Variants in PLCE1 observed in about 807,000 individuals in gnomAD.
PLCE1 encodes the protein 1-phosphatidylinositol 4,5-bisphosphate phosphodiesterase epsilon-1.
Under a neutral mutation model 242.8 loss-of-function variants are expected in PLCE1, and 119 were observed. The observed-to-expected ratio is 0.49, with a 90% CI of 0.42 to 0.57. The LOEUF is 0.57. PLCE1 is among the 20% of genes least tolerant of loss of function. PLCE1 has a pLI of 0.00. For missense variants in PLCE1, 2,441 were observed against 2,788.8 expected (o/e 0.88, Z 2.81); for synonymous variants, 945 against 1,017.4 (o/e 0.93, Z 1.35).
intron 4 of PLCE1, among the ~76,000 whole-genome samples, chr10:94,182,746 CCTT>C (rs1664917054): frequency 1.3e-5 from 2 of 152,072 alleles, no homozygotes; most frequent in South Asian, 2.1e-4. Flanking sequence ...TCTTAGTTCT[CCTT>C]CTTAAAGCTC....
rs374542248 is a variant in PLCE1, at chr10:94,227,422, C to T, written c.1926C>T (p.Asn642=). The change falls in exon 5 of 33, where the codon AAC becomes AAT. Residue 642 remains asparagine (N), a synonymous_variant. Transcript: ENST00000371380. ...AKCCWNMGNY[N]AVMEFLAGLR... is the part of the protein sequence containing the mutation. ...GCTGCTGGAACATGGGCAACTACAA[C>T]GCTGTCATGGAGTTCTTGGCTGGCC... 2.5e-5 allele frequency: 40 copies of T among 1,613,868 alleles called. No homozygotes were observed. Among genetic ancestry groups the T allele is most frequent in the South Asian group, 3.3e-5 (3 of 91,080 alleles).
At position 94,187,146 on chromosome 10, in the gene PLCE1, ATGTGTG is replaced by A. The variant is rs372501153; in HGVS notation, c.1809+15681_1809+15686del. Among the ~76,000 whole-genome samples, 884 of 145,496 alleles carry A rather than the reference ATGTGTG, an allele frequency of 6.1e-3. 12 individuals are homozygous for A. Among genetic ancestry groups the A allele is most frequent in the African/African-American group, 0.016 (616 of 38,824 alleles). The stretch of plus-strand genomic sequence containing the variant: ...GTGGCTAAGCCAAGATGAAACATAT[ATGTGTG>A]TGTGTGTGTGTGTGTGTGTGTGTGT... On this transcript the variant is annotated intron_variant, in intron 4 of 32. Transcript: ENST00000371380.
chr10:94,171,465 C>T lies in PLCE1; in HGVS notation c.1778C>T (p.Ala593Val), dbSNP rs2047975409. The T allele has an allele frequency of 6.2e-7, 1 of 1,614,078 alleles. No homozygotes were observed. The highest frequency in any genetic ancestry group is 1.1e-5 in the South Asian group (1 of 91,074). ...ILTTQNGEHN[A>V]LEDLVMRFNE... ...ACCACTCAGAATGGAGAGCACAATG[C>T]CCTTGAAGATCTGGTGATGAGGTTT... Residue 593 changes from alanine (A) to valine (V), a missense_variant, in exon 4 of 33, where the codon GCC becomes GTC. Coordinates refer to ENST00000371380, the MANE Select transcript of PLCE1 (RefSeq NM_016341.4).
chr10:93,997,592 C>T (rs2060849473), intron 1 of PLCE1, among the ~76,000 whole-genome samples: 1 of 146,900 alleles, frequency 6.8e-6, no homozygotes. Flanking sequence ...TGCTATCCTA[C>T]ATTAACCTCT....
At chr10:94,255,914 A>ACTCT (rs111704161) in intron 11 of PLCE1, among the ~76,000 whole-genome samples, 60 of 67,324 alleles carry the variant, frequency 8.9e-4, no homozygotes, top group Middle Eastern at 0.013. Flanking sequence ...ACACACACAC[A>ACTCT]CTCTCTCTCT....
At chr10:94,022,247 C>T (rs928038160) in intron 1 of PLCE1, among the ~76,000 whole-genome samples, 3 of 152,006 alleles carry the variant, frequency 2.0e-5, no homozygotes, top group African/African-American at 7.2e-5. Flanking sequence ...GTATTAGCAA[C>T]AACCAACTGA....
chr10:94,228,466 T>A (rs2050022693), intron 5 of PLCE1, among the ~76,000 whole-genome samples: 1 of 152,190 alleles, frequency 6.6e-6, no homozygotes, highest in South Asian at 2.1e-4. Flanking sequence ...TAGAATTCAG[T>A]GAAATAATAT....
rs528071283 is a variant in PLCE1, at chr10:94,057,604, C to A, written c.1206+25352C>A. 1.2e-4 allele frequency among the ~76,000 whole-genome samples: 18 copies of A among 152,300 alleles called. No individual in the cohort carries two copies. The South Asian group carries it at 3.5e-3, about 30-fold the overall frequency. On this transcript the variant is annotated intron_variant, in intron 2 of 32. Transcript: ENST00000371380. ...CTTTTCTCTCAGAAGAATTACCAAC[C>A]TATACTTCCACGAAACTGTGTCCTT...
intron 1 of PLCE1, among the ~76,000 whole-genome samples, chr10:94,023,153 G>A (rs1017627219): frequency 6.6e-5 from 10 of 152,114 alleles, no homozygotes; most frequent in African/African-American, 1.7e-4. Context: ...GAACAAAGAT[G>A]GCATTTAAGC....
intron 3 of PLCE1, among the ~76,000 whole-genome samples, chr10:94,157,951 C>T (rs2047485035): frequency 6.6e-6 from 1 of 152,166 alleles, no homozygotes; most frequent in Non-Finnish European, 1.5e-5. Flanking sequence ...GGAATAATAA[C>T]AGCGTGGGGT....
At chr10:94,226,559 G>A (rs2049946686) in intron 4 of PLCE1, among the ~76,000 whole-genome samples, 1 of 151,996 alleles carries the variant, frequency 6.6e-6, no homozygotes, top group African/African-American at 2.4e-5. Context: ...AATAGATAAA[G>A]CATTTGTAAA....
intron 3 of PLCE1, among the ~76,000 whole-genome samples, chr10:94,133,921 G>A (rs1161036637): frequency 6.6e-6 from 1 of 152,064 alleles, no homozygotes; most frequent in Admixed American, 6.5e-5. Context: ...CCCCTCTGAT[G>A]TGGCACCTAG....
At chr10:94,187,757 C>A (rs1301829094) in intron 4 of PLCE1, among the ~76,000 whole-genome samples, 1 of 152,156 alleles carries the variant, frequency 6.6e-6, no homozygotes, top group Non-Finnish European at 1.5e-5. Flanking sequence ...AATCTTAATC[C>A]CACGATTCAG....
chr10:94,253,637 G>A (rs1358813187), intron 9 of PLCE1, among the ~76,000 whole-genome samples: 2 of 151,852 alleles, frequency 1.3e-5, no homozygotes, highest in African/African-American at 4.8e-5. Flanking sequence ...TTACAGGCAT[G>A]AGCCACCACA....
intron 2 of PLCE1, chr10:94,105,147 C>A (rs2045681034): frequency 6.6e-6 from 1 of 152,160 alleles, no homozygotes; most frequent in South Asian, 2.1e-4. Context: ...AGAGGAGACC[C>A]TTTCATTTTA....
intron 2 of PLCE1, among the ~76,000 whole-genome samples, chr10:94,086,104 G>A (rs1391733936): frequency 3.3e-5 from 5 of 152,152 alleles, no homozygotes; most frequent in African/African-American, 9.7e-5. Context: ...GCAGGCATGT[G>A]ATTATTCTGC....
chr10:94,009,193 A>G (rs2061115010), intron 1 of PLCE1, among the ~76,000 whole-genome samples: 1 of 152,194 alleles, frequency 6.6e-6, no homozygotes, highest in African/African-American at 2.4e-5. Context: ...ATTATGGTGG[A>G]AGGCAAGAGG....
chr10:94,277,265 C>A (rs1209613795), intron 19 of PLCE1, among the ~76,000 whole-genome samples: 3 of 152,150 alleles, frequency 2.0e-5, no homozygotes, highest in Non-Finnish European at 4.4e-5. Flanking sequence ...ATGACAGACA[C>A]TGCGGCTAGG....
At chr10:94,280,126 G>T (rs1413066895) in intron 20 of PLCE1, 2 of 576,214 alleles carry the variant, frequency 3.5e-6, no homozygotes, top group East Asian at 6.0e-5. Context: ...GGTGTGGGAA[G>T]TTACAGGGAG....
Sources: allele counts gnomAD v4.1 joint callset (sites outside exome capture counted in the v4.1 genomes callset), GRCh38; gene constraint gnomAD v4.1.1; transcripts MANE v1.5; gene names NCBI Gene and HGNC (gene_info 2026-07-23, HGNC 2026-07-21).